PIWIL4: variants seen among roughly 807,000 people sequenced by gnomAD.
PIWIL4 encodes piwi-like protein 4.
Under a neutral mutation model 100.9 loss-of-function variants are expected in PIWIL4, and 50 were observed. The ratio of observed to expected loss-of-function variants is 0.50; its 90% CI spans 0.39 to 0.63. The LOEUF (loss-of-function observed/expected upper bound fraction) is 0.63, where lower values mean the gene tolerates loss of function less well. Among genes scored for constraint, PIWIL4 ranks in the 20% least tolerant of loss-of-function variants. The pLI is 0.00. For missense variants in PIWIL4, 887 were observed against 1,043.3 expected, an observed-to-expected ratio of 0.85 and a Z score of 2.06; for synonymous variants, 342 against 367.5, an observed-to-expected ratio of 0.93 and a Z score of 0.79.
At chr11:94,585,758 A>G (rs1464089268) in intron 6 of PIWIL4, among the ~76,000 whole-genome samples, 3 of 152,202 alleles carry the variant, frequency 2.0e-5, no homozygotes, top group African/African-American at 7.2e-5. Flanking sequence ...CCTAGAAGGA[A>G]TTCAGAAACT....
chr11:94,619,274 T>C (rs1347624064), intron 17 of PIWIL4, among the ~76,000 whole-genome samples: 1 of 152,160 alleles, frequency 6.6e-6, no homozygotes, highest in Non-Finnish European at 1.5e-5. Flanking sequence ...AGAACATATA[T>C]TTGGTCCATC....
At chr11:94,586,382 A>C (rs7105922) in intron 6 of PIWIL4, among the ~76,000 whole-genome samples, 34,291 of 151,956 alleles carry the variant, frequency 0.23, 5,404 homozygotes, top group African/African-American at 0.44. Flanking sequence ...TTAAAATAGT[A>C]GTCTATTATT....
intron 16 of PIWIL4, among the ~76,000 whole-genome samples, chr11:94,616,838 G>A (rs999369467): frequency 1.1e-4 from 17 of 152,216 alleles, no homozygotes; most frequent in Admixed American, 7.2e-4. Context: ...CAGTTTGAAG[G>A]TCAAAAGAAA....
intron 15 of PIWIL4, 73 bp from the exon 16 acceptor site, chr11:94,616,415 CTTAAT>C (rs960835746): frequency 4.1e-6 from 5 of 1,228,636 alleles, no homozygotes; most frequent in African/African-American, 3.1e-5. Flanking sequence ...ATCTCTGTTT[CTTAAT>C]TTAATATTAA....
intron 2 of PIWIL4, among the ~76,000 whole-genome samples, chr11:94,572,916 C>T (rs1171276117): frequency 6.6e-6 from 1 of 152,192 alleles, no homozygotes; most frequent in Non-Finnish European, 1.5e-5. Flanking sequence ...TCTTCCTATC[C>T]ATGAGCGTGG....
intron 3 of PIWIL4, among the ~76,000 whole-genome samples, chr11:94,576,550 A>G (rs1175594890): frequency 1.3e-5 from 2 of 152,170 alleles, no homozygotes; most frequent in African/African-American, 2.4e-5. Context: ...CACCATCCTG[A>G]TCACTAACTG....
At chr11:94,603,662 A>C (rs543693081) in intron 12 of PIWIL4, among the ~76,000 whole-genome samples, 1 of 152,192 alleles carries the variant, frequency 6.6e-6, no homozygotes, top group Non-Finnish European at 1.5e-5. Context: ...GACATTTGAT[A>C]CTGTGAGACT....
chr11:94,605,726 T>C (rs1369823190), intron 13 of PIWIL4, among the ~76,000 whole-genome samples: 1 of 152,174 alleles, frequency 6.6e-6, no homozygotes, highest in Non-Finnish European at 1.5e-5. Context: ...GGAAGAACTT[T>C]CTCTTCTCCC....
At chr11:94,610,730 T>C (rs1019910229) in intron 15 of PIWIL4, among the ~76,000 whole-genome samples, 4 of 152,312 alleles carry the variant, frequency 2.6e-5, no homozygotes, top group South Asian at 2.1e-4. Context: ...CCGTATCAGA[T>C]ATGTGATTGC....
Position 94,593,580 on chromosome 11 carries a change from G to C in PIWIL4, c.1089G>C (p.Lys363Asn). The C allele has an allele frequency of 6.2e-7, 1 of 1,613,990 alleles. No homozygotes were observed. Among genetic ancestry groups the C allele is most frequent in the Non-Finnish European group, 8.5e-7 (1 of 1,179,924 alleles). ...TGCTTGTTAGTCTGTTAAAGAAGAA[G>C]AGAAATGACAACAGTGAGGCTCAGC... ...QPMLVSLLKK[K>N]RNDNSEAQLA... The change falls in exon 9 of 20, where the codon AAG (lysine) becomes AAC (asparagine). Residue 363 changes from lysine to asparagine, a missense_variant. By Grantham distance (94) the Lys-to-Asn change is moderately conservative. Around this residue, in one of 2 missense-constraint regions of PIWIL4, gnomAD observed 741 missense variants for 930.0 expected, o/e 0.80. Transcript: ENST00000299001.
chr11:94,599,522 A>G (rs1004641550), intron 11 of PIWIL4, among the ~76,000 whole-genome samples: 2 of 152,228 alleles, frequency 1.3e-5, no homozygotes, highest in African/African-American at 4.8e-5. Context: ...TTGTGGGCAG[A>G]AGGAGTACAG....
chr11:94,588,107 C>T (rs932138299), intron 7 of PIWIL4, among the ~76,000 whole-genome samples: 1 of 151,934 alleles, frequency 6.6e-6, no homozygotes, highest in South Asian at 2.1e-4. Flanking sequence ...TGCTCTCCCT[C>T]CCCCCGACCC....
rs57731239 is a variant in PIWIL4, at chr11:94,614,300, CTTTTTTT to C, written c.1944-2182_1944-2176del. 3.1e-4 allele frequency among the ~76,000 whole-genome samples: 37 copies of C among 120,130 alleles called. No individual in the cohort carries two copies. The East Asian group carries it at 6.5e-3, about 21-fold the overall frequency. 78.8% of individuals were successfully genotyped at this position (120,130 alleles called of 152,430 possible). ...TGTCATAGTTCCTGATTTTTCTTTT[CTTTTTTT>C]TTTTTTTTTTCCTTTTTGAGATAGA... is the stretch of plus-strand genomic sequence containing the variant. On this transcript the variant is annotated intron_variant, in intron 15 of 19. Coordinates refer to ENST00000299001, the MANE Select transcript of PIWIL4 (RefSeq NM_152431.3).
chr11:94,568,731 C>T lies in PIWIL4; in HGVS notation c.89C>T (p.Pro30Leu), dbSNP rs1948108901. 2 of 1,600,730 alleles carry T rather than the reference C, an allele frequency of 1.2e-6. No homozygotes were observed. Among genetic ancestry groups the T allele is most frequent in the African/African-American group, 2.7e-5 (2 of 74,730 alleles). The change falls in exon 2 of 20, where the codon CCT (proline) becomes CTT (leucine). Residue 30 changes from proline to leucine, a missense_variant and splice_region_variant. By Grantham distance (98) the Pro-to-Leu change is moderately conservative. Coordinates refer to ENST00000299001, the MANE Select transcript of PIWIL4 (RefSeq NM_152431.3). Reference protein sequence around the residue: ...EVGRIQASPLPRSVDLSNNEA... With the variant: ...EVGRIQASPLLRSVDLSNNEA... ...CAAAACTTTTTTTTGCCATTTTAGCCTAGATCTGTTGATCTTAGTAACAAT... is the reference window on the plus strand; with the variant it reads ...CAAAACTTTTTTTTGCCATTTTAGCTTAGATCTGTTGATCTTAGTAACAAT...
intron 14 of PIWIL4, chr11:94,608,059 C>T (rs1022830287): frequency 2.1e-5 from 4 of 186,790 alleles, no homozygotes; most frequent in Non-Finnish European, 4.5e-5. Flanking sequence ...CTTCCCTGAA[C>T]TGTAGCCACC....
chr11:94,592,135 C>A (rs1217977687), intron 8 of PIWIL4, among the ~76,000 whole-genome samples: 1 of 152,184 alleles, frequency 6.6e-6, no homozygotes, highest in Admixed American at 6.5e-5. Flanking sequence ...TCCTCCCCAC[C>A]CCTCCCACTC....
intron 13 of PIWIL4, among the ~76,000 whole-genome samples, chr11:94,604,513 A>T (rs1948690084): frequency 6.6e-6 from 1 of 152,218 alleles, no homozygotes; most frequent in Admixed American, 6.5e-5. Context: ...CCGGTGCTGC[A>T]TCACCTGGTG....
chr11:94,612,472 AGTTAG>A (rs1260395137), intron 15 of PIWIL4, among the ~76,000 whole-genome samples: 2 of 152,018 alleles, frequency 1.3e-5, no homozygotes, highest in African/African-American at 4.8e-5. Context: ...GGTGGCATTT[AGTTAG>A]GTTTTCTTTT....
rs562398337 is a variant in PIWIL4 at position 94,589,504 on chromosome 11, T to C, written c.1026+272T>C. Among the ~76,000 whole-genome samples the C allele has an allele frequency of 7.2e-5, 11 of 152,340 alleles. No homozygotes were observed. The South Asian group carries it at 8.3e-4, about 11-fold the overall frequency. On this transcript the variant is annotated intron_variant, in intron 8 of 19. Coordinates refer to ENST00000299001, the MANE Select transcript of PIWIL4 (RefSeq NM_152431.3). ...GCTAATACATTTCCATGTCTCCTTA[T>C]TGCCTTAGGACCACCTGTAAGCCCT...
Sources: gnomAD v4.1 joint callset for allele counts (sites outside exome capture counted in the v4.1 genomes callset) on GRCh38, gnomAD v4.1.1 for gene constraint, gnomAD v4.1.1 regional missense constraint, MANE v1.5 for transcripts, NCBI Gene and HGNC (gene_info 2026-07-23, HGNC 2026-07-21) for gene names.